The following CDH13 variants were observed in gnomAD, a reference collection of about 807,000 sequenced individuals.
The protein encoded by CDH13 is cadherin 13.
CDH13 carries 24 observed loss-of-function variants against 63.8 expected under a neutral mutation model. That is an observed-to-expected ratio of 0.38 (90% CI 0.27 to 0.53). CDH13 has a LOEUF of 0.53. Among genes scored for constraint, CDH13 ranks in the 20% least tolerant of loss-of-function variants. The probability of loss-of-function intolerance (pLI) is 0.85; values close to 1 mark genes in which losing one functional copy is unlikely to be tolerated. For synonymous variants in CDH13, 503 were observed against 355.3 expected (o/e 1.42, Z -4.67); for missense variants, 1,049 against 903.1 (o/e 1.16, Z -2.07).
intron 10 of CDH13, among the ~76,000 whole-genome samples, chr16:83,712,312 C>T (rs1487092645): frequency 1.3e-5 from 2 of 152,146 alleles, no homozygotes; most frequent in African/African-American, 4.8e-5. Flanking sequence ...GGGGCTCTTG[C>T]GATCTCATGA....
intron 5 of CDH13, among the ~76,000 whole-genome samples, chr16:83,229,971 G>A (rs1456286316): frequency 6.6e-6 from 1 of 152,128 alleles, no homozygotes. Context: ...GTCAGTGTTT[G>A]ACAATAAGAT....
At chr16:83,172,715 G>C (rs368407964) in intron 4 of CDH13, among the ~76,000 whole-genome samples, 2 of 151,882 alleles carry the variant, frequency 1.3e-5, no homozygotes, top group Admixed American at 6.6e-5. Context: ...TGTTGCTTAA[G>C]CCACCCAATC....
At chr16:83,271,862 A>T (rs8052301) in intron 5 of CDH13, among the ~76,000 whole-genome samples, 20,856 of 152,178 alleles carry the variant, frequency 0.14, 1,562 homozygotes, top group East Asian at 0.19. Flanking sequence ...GGAGAAAACA[A>T]TTTATGTTCA....
chr16:83,583,990 C>T (rs112380782), intron 7 of CDH13, among the ~76,000 whole-genome samples: 3,522 of 152,162 alleles, frequency 0.023, 140 homozygotes, highest in African/African-American at 0.081. Context: ...GCTTAAAGTC[C>T]TTGCTGTTTT....
intron 6 of CDH13, among the ~76,000 whole-genome samples, chr16:83,361,132 A>T (rs1171653086): frequency 6.6e-6 from 1 of 152,062 alleles, no homozygotes; most frequent in African/African-American, 2.4e-5. Flanking sequence ...AGCCATTCCA[A>T]CTGGTGTGAC....
At chr16:82,984,791 T>TGAGCAGG (rs1910728634) in intron 2 of CDH13, among the ~76,000 whole-genome samples, 1 of 152,222 alleles carries the variant, frequency 6.6e-6, no homozygotes, top group Non-Finnish European at 1.5e-5. Context: ...GTATGCTTTA[T>TGAGCAGG]ACACACATAC....
At chr16:83,237,843 A>G (rs1904277187) in intron 5 of CDH13, among the ~76,000 whole-genome samples, 1 of 152,236 alleles carries the variant, frequency 6.6e-6, no homozygotes, top group South Asian at 2.1e-4. Context: ...GGCAAATAAT[A>G]AATACTTGAT....
chr16:83,706,699 GCA>G (rs1218441337), intron 10 of CDH13, among the ~76,000 whole-genome samples: 2 of 152,084 alleles, frequency 1.3e-5, no homozygotes, highest in African/African-American at 4.8e-5. Context: ...GCATGTGTGT[GCA>G]CACACACACA....
intron 1 of CDH13, among the ~76,000 whole-genome samples, chr16:82,799,277 A>G (rs545503603): frequency 7.9e-5 from 12 of 152,320 alleles, no homozygotes; most frequent in Admixed American, 2.0e-4. Flanking sequence ...TCATGTGTCA[A>G]TTGATACTCA....
rs1417741953 is a variant in CDH13 at position 83,447,062 on chromosome 16, A to AC, written c.782-39415_782-39414insC. Among the ~76,000 whole-genome samples, 44 of 142,302 alleles carry AC rather than the reference A, an allele frequency of 3.1e-4. 1 individual carries two copies. Among genetic ancestry groups the AC allele is most frequent in the Non-Finnish European group, 6.1e-4 (40 of 65,506 alleles). The allele number at this position is 142,302 out of a possible 152,430, so 93.4% of individuals were successfully genotyped here. A position where few individuals can be genotyped will look rare whatever the true frequency, so the allele number is the denominator to read the frequency against. On this transcript the variant is annotated intron_variant, in intron 6 of 13. Coordinates refer to ENST00000567109, the MANE Select transcript of CDH13 (RefSeq NM_001257.5). Reference sequence around the variant, plus strand: ...CACTGGTCACCCGTCTTAAAAAAAAAAAAAAAAAAAAACAAAAAACACCTT... The same window carrying AC: ...CACTGGTCACCCGTCTTAAAAAAAAACAAAAAAAAAAAACAAAAAACACCTT...
intron 4 of CDH13, among the ~76,000 whole-genome samples, chr16:83,194,755 A>G (rs1487598428): frequency 6.6e-6 from 1 of 152,156 alleles, no homozygotes; most frequent in Non-Finnish European, 1.5e-5. Flanking sequence ...CTGACTTCCT[A>G]GTTGGGTAGT....
intron 1 of CDH13, among the ~76,000 whole-genome samples, chr16:82,832,046 A>G (rs890436370): frequency 1.3e-5 from 2 of 152,238 alleles, no homozygotes; most frequent in African/African-American, 4.8e-5. Context: ...AATAGAAGTT[A>G]CATAAAACCT....
chr16:83,644,447 A>G (rs146001887), intron 8 of CDH13, among the ~76,000 whole-genome samples: 36 of 152,330 alleles, frequency 2.4e-4, no homozygotes, highest in African/African-American at 8.2e-4. Flanking sequence ...GTACATCTTC[A>G]CGTACATATA....
chr16:83,374,082 G>T (rs1353189377), intron 6 of CDH13, among the ~76,000 whole-genome samples: 2 of 152,192 alleles, frequency 1.3e-5, no homozygotes, highest in South Asian at 4.1e-4. Flanking sequence ...TCACACTAAT[G>T]ATGCTCCGCA....
chr16:83,150,124 G>C (rs925390009), intron 4 of CDH13, among the ~76,000 whole-genome samples: 36 of 151,940 alleles, frequency 2.4e-4, no homozygotes, highest in African/African-American at 8.5e-4. Context: ...TTCACCCTGA[G>C]TCAAGCCACC....
chr16:83,124,124 C>T (rs1224747273), intron 3 of CDH13, among the ~76,000 whole-genome samples: 4 of 152,118 alleles, frequency 2.6e-5, no homozygotes, highest in African/African-American at 9.7e-5. Context: ...TGGCTCACTG[C>T]ACTGTCCGCC....
intron 5 of CDH13, among the ~76,000 whole-genome samples, chr16:83,229,439 T>A (rs2039939871): frequency 1.3e-5 from 2 of 152,186 alleles, no homozygotes; most frequent in African/African-American, 4.8e-5. Flanking sequence ...CCATTTAGTC[T>A]GGCATAATTT....
At position 82,965,761 on chromosome 16, in the gene CDH13, G is replaced by A. The variant is rs543966003; in HGVS notation, c.158-66249G>A. Among the ~76,000 whole-genome samples, 6 of 152,244 alleles carry A rather than the reference G, an allele frequency of 3.9e-5. No individual in the cohort carries two copies. In the South Asian group the frequency reaches 1.2e-3, roughly 32 times the overall value. ...GCCAGCCTCAGTCTCCCAAAGTGCT[G>A]GGATTACAGGCATGAGCCACTGCTC... On this transcript the variant is annotated intron_variant, in intron 2 of 13. Transcript: ENST00000567109.
intron 7 of CDH13, among the ~76,000 whole-genome samples, chr16:83,521,345 G>GA (rs532162703): frequency 1.7e-3 from 241 of 141,582 alleles, no homozygotes; most frequent in Non-Finnish European, 2.9e-3. Flanking sequence ...TGAAATTTAG[G>GA]AAAAAAAAAA....
Sources: gnomAD v4.1 joint callset for allele counts (sites outside exome capture counted in the v4.1 genomes callset) on GRCh38, gnomAD v4.1.1 for gene constraint, MANE v1.5 for transcripts, NCBI Gene and HGNC (gene_info 2026-07-23, HGNC 2026-07-21) for gene names.